AGBL4: variants seen among roughly 807,000 people sequenced by gnomAD.
AGBL4 encodes the protein cytosolic carboxypeptidase 6.
A neutral mutation model predicts 66.4 loss-of-function variants in AGBL4; 58 were observed. That is an observed-to-expected ratio of 0.87 (90% confidence interval 0.71 to 1.09). AGBL4 has a LOEUF of 1.09. Ranked by LOEUF, AGBL4 falls within the 50% of genes least tolerant of loss-of-function variation. AGBL4 has a pLI of 0.00. For synonymous variants in AGBL4, 234 were observed against 222.9 expected (o/e 1.05, Z -0.44); for missense variants, 579 against 631.0 (o/e 0.92, Z 0.88).
At chr1:49,283,817 GAA>G (rs1369359509) in intron 3 of AGBL4, among the ~76,000 whole-genome samples, 1 of 146,118 alleles carries the variant, frequency 6.8e-6, no homozygotes, top group Non-Finnish European at 1.5e-5. Context: ...GAAGTTTAGA[GAA>G]AAAAGAATAA....
chr1:49,653,852 G>A (rs76592014), intron 3 of AGBL4, among the ~76,000 whole-genome samples: 2,072 of 151,600 alleles, frequency 0.014, 28 homozygotes, highest in Non-Finnish European at 0.021. Flanking sequence ...GACTGATAGA[G>A]GTATCTGAAA....
At chr1:49,419,932 A>T (rs1645507270) in intron 3 of AGBL4, among the ~76,000 whole-genome samples, 1 of 152,198 alleles carries the variant, frequency 6.6e-6, no homozygotes, top group South Asian at 2.1e-4. Flanking sequence ...AACCAACAGC[A>T]TCAGCATTAT....
chr1:49,448,615 A>T (rs973441205), intron 3 of AGBL4, among the ~76,000 whole-genome samples: 2 of 152,194 alleles, frequency 1.3e-5, no homozygotes, highest in African/African-American at 4.8e-5. Context: ...TGAAAATCTC[A>T]TCAGAACCAC....
intron 3 of AGBL4, among the ~76,000 whole-genome samples, chr1:49,570,977 T>C (rs1644314904): frequency 6.6e-6 from 1 of 152,130 alleles, no homozygotes; most frequent in Admixed American, 6.6e-5. Context: ...CATGCTGTTT[T>C]ATTACTATAG....
chr1:49,984,292 C>T (rs187769856), intron 1 of AGBL4, among the ~76,000 whole-genome samples: 50 of 152,274 alleles, frequency 3.3e-4, no homozygotes, highest in South Asian at 1.0e-3. Context: ...GTAACTTTCT[C>T]GTACAGAAGA....
At chr1:49,676,432 A>T (rs564409954) in intron 3 of AGBL4, among the ~76,000 whole-genome samples, 1 of 152,176 alleles carries the variant, frequency 6.6e-6, no homozygotes, top group Admixed American at 6.6e-5. Context: ...AATACAACCC[A>T]AGTATTGATC....
At chr1:49,653,214 G>A (rs940791885) in intron 3 of AGBL4, among the ~76,000 whole-genome samples, 1 of 151,980 alleles carries the variant, frequency 6.6e-6, no homozygotes, top group Non-Finnish European at 1.5e-5. Flanking sequence ...CAAGCAAAAC[G>A]CAGCAACCCT....
At chr1:49,878,394 T>G (rs1006514074) in intron 1 of AGBL4, among the ~76,000 whole-genome samples, 1 of 150,984 alleles carries the variant, frequency 6.6e-6, no homozygotes, top group African/African-American at 2.4e-5. Flanking sequence ...AACATCTTTA[T>G]TTCTGCCTTC....
chr1:50,019,094 G>T (rs1484482098), intron 1 of AGBL4, among the ~76,000 whole-genome samples: 1 of 151,902 alleles, frequency 6.6e-6, no homozygotes, highest in African/African-American at 2.4e-5. Context: ...CACCCCATTG[G>T]GGGTATTATG....
At chr1:49,654,121 A>G (rs188651835) in intron 3 of AGBL4, among the ~76,000 whole-genome samples, 1 of 152,204 alleles carries the variant, frequency 6.6e-6, no homozygotes, top group African/African-American at 2.4e-5. Context: ...CTAACAGCAG[A>G]CCTCTTAGTG....
chr1:48,595,489 C>T (rs1030182700), intron 9 of AGBL4, among the ~76,000 whole-genome samples: 20 of 152,166 alleles, frequency 1.3e-4, no homozygotes, highest in Admixed American at 1.2e-3. Flanking sequence ...AAATGTAGGG[C>T]CCTGAATTAC....
chr1:48,850,056 A>C (rs1384768240), intron 6 of AGBL4, among the ~76,000 whole-genome samples: 1 of 152,238 alleles, frequency 6.6e-6, no homozygotes, highest in East Asian at 1.9e-4. Context: ...ACATATAGTG[A>C]GAACACTCTC....
At chr1:49,179,892 ATTTTTTTTATT>A (rs1646898462) in intron 4 of AGBL4, among the ~76,000 whole-genome samples, 1 of 151,130 alleles carries the variant, frequency 6.6e-6, no homozygotes, top group Non-Finnish European at 1.5e-5. Context: ...TAACATCTTT[ATTTTTTTTATT>A]TTTTTTTTAT....
intron 4 of AGBL4, among the ~76,000 whole-genome samples, chr1:49,077,070 T>C (rs1382056380): frequency 6.6e-6 from 1 of 150,386 alleles, no homozygotes; most frequent in Non-Finnish European, 1.5e-5. Flanking sequence ...ATAACATCCA[T>C]ATCGCTTCAG....
intron 9 of AGBL4, among the ~76,000 whole-genome samples, chr1:48,606,971 T>A (rs762749059): frequency 6.6e-6 from 1 of 151,802 alleles, no homozygotes; most frequent in Non-Finnish European, 1.5e-5. Context: ...TTTAAAGGAG[T>A]TACTTTATGT....
intron 3 of AGBL4, among the ~76,000 whole-genome samples, chr1:49,414,396 A>G (rs988812271): frequency 6.6e-6 from 1 of 152,172 alleles, no homozygotes; most frequent in African/African-American, 2.4e-5. Context: ...AATACCAATA[A>G]ATGGACCATA....
intron 3 of AGBL4, among the ~76,000 whole-genome samples, chr1:49,629,635 G>A (rs1645531777): frequency 6.6e-6 from 1 of 152,116 alleles, no homozygotes. Context: ...TCGGGTCATT[G>A]AATATAATCT....
chr1:48,662,072 G>A (rs558705703), intron 7 of AGBL4, among the ~76,000 whole-genome samples: 2 of 152,308 alleles, frequency 1.3e-5, no homozygotes, highest in Non-Finnish European at 2.9e-5. Flanking sequence ...AAAGAGGAAG[G>A]CAATCGTGCC....
intron 11 of AGBL4, among the ~76,000 whole-genome samples, chr1:48,577,218 G>C (rs1644668239): frequency 6.6e-6 from 1 of 152,136 alleles, no homozygotes; most frequent in Admixed American, 6.5e-5. Context: ...GCAATAAGAA[G>C]GTGGGAACAC....
Sources: gnomAD v4.1 joint callset for allele counts (sites outside exome capture counted in the v4.1 genomes callset) on GRCh38, gnomAD v4.1.1 for gene constraint, MANE v1.5 for transcripts, NCBI Gene and HGNC (gene_info 2026-07-23, HGNC 2026-07-21) for gene names.